The following FSTL4 variants were observed in gnomAD, a reference collection of about 807,000 sequenced individuals.
FSTL4 encodes follistatin like 4.
FSTL4 carries 28 observed loss-of-function variants against 78.2 expected under a neutral mutation model. The ratio of observed to expected loss-of-function variants is 0.36; its 90% CI spans 0.27 to 0.49. FSTL4 has a LOEUF of 0.49. FSTL4 is among the 20% of genes least tolerant of loss of function. The pLI is 0.98. For synonymous variants in FSTL4, 422 were observed against 440.5 expected, an observed-to-expected ratio of 0.96 and a Z score of 0.53; for missense variants, 922 against 1,084.9, an observed-to-expected ratio of 0.85 and a Z score of 2.11.
Position 133,583,190 on chromosome 5 carries a change from C to T in FSTL4, c.127-15971G>A, listed in dbSNP as rs116838893. The T allele has an allele frequency of 8.8e-4, 394 of 450,174 alleles. 2 individuals are homozygous for T. The highest frequency in any genetic ancestry group is 7.5e-3 in the African/African-American group (376 of 49,850). 27.9% of individuals were successfully genotyped at this position (450,174 alleles called of 1,614,324 possible). ...GCACATTCCCACTGGGTTTCCTGAC[C>T]CTCCAAAAGCCCTTCACAGTAACCA... On this transcript the variant is annotated intron_variant, in intron 2 of 15. Transcript: ENST00000265342.
chr5:133,608,866 G>T (rs963500026), intron 1 of FSTL4, among the ~76,000 whole-genome samples: 1 of 152,144 alleles, frequency 6.6e-6, no homozygotes, highest in Non-Finnish European at 1.5e-5. Context: ...ACCAAAATCT[G>T]CCCCACCCAG....
At chr5:133,469,197 ACCGGATTGTGAAGAGG>A (rs1172201743) in intron 3 of FSTL4, among the ~76,000 whole-genome samples, 1 of 152,128 alleles carries the variant, frequency 6.6e-6, no homozygotes, top group Non-Finnish European at 1.5e-5. Context: ...ACCCCTCAGG[ACCGGATTGTGAAGAGG>A]CCGAATGGCG....
chr5:133,476,134 C>T (rs1050494889), intron 3 of FSTL4, among the ~76,000 whole-genome samples: 34 of 152,262 alleles, frequency 2.2e-4, no homozygotes, highest in South Asian at 8.3e-4. Context: ...GGGGCAAAAA[C>T]GGGCAAAAAT....
intron 2 of FSTL4, among the ~76,000 whole-genome samples, chr5:133,599,575 T>A (rs1237064167): frequency 6.6e-6 from 1 of 152,192 alleles, no homozygotes; most frequent in Non-Finnish European, 1.5e-5. Flanking sequence ...TGTACAGGTA[T>A]GTAGTACGTG....
chr5:133,807,226 C>T, the FSTL4 span, among the ~76,000 whole-genome samples: 1 of 152,230 alleles, frequency 6.6e-6, no homozygotes, highest in Admixed American at 6.5e-5. Flanking sequence ...CTAATATTTA[C>T]TTACTGTAGC....
intron 3 of FSTL4, among the ~76,000 whole-genome samples, chr5:133,409,854 G>A (rs922160869): frequency 4.6e-5 from 7 of 152,072 alleles, no homozygotes; most frequent in East Asian, 3.9e-4. Flanking sequence ...GAAAGCCCTC[G>A]GTGGGAGAAT....
chr5:133,446,699 C>G (rs1184558388), intron 3 of FSTL4, among the ~76,000 whole-genome samples: 1 of 152,220 alleles, frequency 6.6e-6, no homozygotes, highest in South Asian at 2.1e-4. Context: ...AGCCCAGCCC[C>G]CTCCCAAAGT....
the FSTL4 span, among the ~76,000 whole-genome samples, chr5:133,808,779 G>A: frequency 3.7e-4 from 57 of 152,186 alleles, no homozygotes; most frequent in African/African-American, 1.4e-3. Context: ...TGGAGGAGAA[G>A]ATGGAAAAAC....
chr5:133,640,321 T>C, the FSTL4 span, among the ~76,000 whole-genome samples: 1 of 152,158 alleles, frequency 6.6e-6, no homozygotes, highest in South Asian at 2.1e-4. Flanking sequence ...AAGGGAGACA[T>C]TGTCATTCAC....
intron 3 of FSTL4, among the ~76,000 whole-genome samples, chr5:133,465,634 G>A (rs1409878539): frequency 1.3e-5 from 2 of 152,134 alleles, no homozygotes; most frequent in South Asian, 2.1e-4. Flanking sequence ...CACACATGGA[G>A]GAGCACAGTG....
chr5:133,436,696 G>A (rs573019535), intron 3 of FSTL4, among the ~76,000 whole-genome samples: 9 of 152,150 alleles, frequency 5.9e-5, no homozygotes, highest in African/African-American at 1.4e-4. Context: ...TTTACACTAC[G>A]GAAATTGGCA....
intron 4 of FSTL4, among the ~76,000 whole-genome samples, chr5:133,329,471 G>C (rs1289143882): frequency 6.6e-6 from 1 of 151,938 alleles, no homozygotes; most frequent in Non-Finnish European, 1.5e-5. Context: ...GCTCTCACAA[G>C]GTCCCACAAT....
At chr5:133,790,124 C>G in the FSTL4 span, among the ~76,000 whole-genome samples, 1 of 152,158 alleles carries the variant, frequency 6.6e-6, no homozygotes, top group African/African-American at 2.4e-5. Context: ...CAAGCCACAG[C>G]TCAGAGTCCT....
chr5:133,615,729 C>G (rs1761188192), upstream of FSTL4, among the ~76,000 whole-genome samples: 1 of 152,082 alleles, frequency 6.6e-6, no homozygotes, highest in Non-Finnish European at 1.5e-5. Flanking sequence ...GTTCAAGATC[C>G]TAGACTTAAG....
intron 11 of FSTL4, chr5:133,223,947 T>G (rs1751242248): frequency 2.2e-6 from 1 of 454,752 alleles, no homozygotes; most frequent in Non-Finnish European, 4.0e-6. Flanking sequence ...CCAACTGTTC[T>G]GCTTCAGCAG....
chr5:133,573,766 CT>C (rs1404404336), intron 2 of FSTL4, among the ~76,000 whole-genome samples: 1 of 152,192 alleles, frequency 6.6e-6, no homozygotes, highest in Non-Finnish European at 1.5e-5. Flanking sequence ...CCAAATAGCA[CT>C]TCATTTCAAG....
At chr5:133,423,320 A>C (rs1756738359) in intron 3 of FSTL4, among the ~76,000 whole-genome samples, 1 of 152,208 alleles carries the variant, frequency 6.6e-6, no homozygotes, top group African/African-American at 2.4e-5. Flanking sequence ...AAATGCATCC[A>C]GGCGGTACCT....
the FSTL4 span, among the ~76,000 whole-genome samples, chr5:133,827,685 C>T: frequency 6.6e-6 from 1 of 151,898 alleles, no homozygotes; most frequent in Non-Finnish European, 1.5e-5. Flanking sequence ...AAAAGACCTA[C>T]AAAGCCATGG....
the FSTL4 span, among the ~76,000 whole-genome samples, chr5:133,620,186 T>C: frequency 6.6e-6 from 1 of 152,236 alleles, no homozygotes; most frequent in Non-Finnish European, 1.5e-5. Context: ...AATTGGTGCC[T>C]AAAATTCTGG....
Sources: gnomAD v4.1 joint callset for allele counts (sites outside exome capture counted in the v4.1 genomes callset) on GRCh38, gnomAD v4.1.1 for gene constraint, MANE v1.5 for transcripts, NCBI Gene and HGNC (gene_info 2026-07-23, HGNC 2026-07-21) for gene names.